CCSER2: variants seen among roughly 807,000 people sequenced by gnomAD.
CCSER2 encodes coiled-coil serine rich protein 2.
Under a neutral mutation model 92.3 loss-of-function variants are expected in CCSER2, and 46 were observed. That is an observed-to-expected ratio of 0.50 (90% CI 0.39 to 0.64). The LOEUF (loss-of-function observed/expected upper bound fraction) is 0.64. Among genes scored for constraint, CCSER2 ranks in the 30% least tolerant of loss-of-function variants. The pLI, the probability that CCSER2 is intolerant of heterozygous loss-of-function variation, is 0.00. For synonymous variants in CCSER2, 433 were observed against 431.4 expected (o/e 1.00, Z -0.04); for missense variants, 1,244 against 1,238.9 (o/e 1.00, Z -0.06).
chr10:84,347,854 G>T (rs572056077), intron 1 of CCSER2, among the ~76,000 whole-genome samples: 1 of 151,940 alleles, frequency 6.6e-6, no homozygotes, highest in South Asian at 2.1e-4. Flanking sequence ...CATCCCAGAC[G>T]GGGCGGCGGG....
At chr10:84,373,575 A>C (rs374066537) in intron 2 of CCSER2, 44 bp from the exon 3 acceptor site, 74 of 1,441,706 alleles carry the variant, frequency 5.1e-5, no homozygotes, top group Non-Finnish European at 6.8e-5. Context: ...GGACACGAGA[A>C]ACAATTATAT....
rs946912354 is a variant in CCSER2, at chr10:84,513,956, C to T, written c.2833C>T (p.Pro945Ser). ...TTCTGAATCATCTCCAAGTAGGACTCCCACTTGTAAAAAGTCACCAATAAT... is the reference window on the plus strand; with the variant it reads ...TTCTGAATCATCTCCAAGTAGGACTTCCACTTGTAAAAAGTCACCAATAAT... ...PVSESSPSRT[P>S]TCKKSPIITT... Residue 945 changes from proline to serine, a missense_variant, in exon 10 of 10, where the codon CCC becomes TCC. Transcript: ENST00000372088. 3 of 1,536,638 alleles carry T rather than the reference C, an allele frequency of 2.0e-6. No homozygotes were observed. The highest frequency in any genetic ancestry group is 2.6e-6 in the Non-Finnish European group (3 of 1,147,004).
At chr10:84,367,868 T>C (rs1433991007) in intron 1 of CCSER2, among the ~76,000 whole-genome samples, 1 of 152,206 alleles carries the variant, frequency 6.6e-6, no homozygotes. Flanking sequence ...AGAAACTGTT[T>C]ATATGATTGT....
chr10:84,329,480 C>A (rs1843442903), intron 1 of CCSER2, among the ~76,000 whole-genome samples: 1 of 152,112 alleles, frequency 6.6e-6, no homozygotes, highest in Admixed American at 6.5e-5. Context: ...AAGGCCTTAG[C>A]GGAGTGGAAA....
At chr10:84,387,554 A>C (rs1003794889) in intron 3 of CCSER2, among the ~76,000 whole-genome samples, 126 of 151,292 alleles carry the variant, frequency 8.3e-4, no homozygotes, top group Non-Finnish European at 5.6e-4. Flanking sequence ...TTTGAGACAG[A>C]GTCTGGCTCT....
chr10:84,396,772 A>C (rs1240917993), intron 3 of CCSER2, among the ~76,000 whole-genome samples: 1 of 152,086 alleles, frequency 6.6e-6, no homozygotes, highest in East Asian at 1.9e-4. Flanking sequence ...CCTGGGCTTA[A>C]GTGATCGACC....
chr10:84,501,840 T>TATATATATATATATATACTC (rs1564729879), intron 9 of CCSER2, among the ~76,000 whole-genome samples: 2 of 90,870 alleles, frequency 2.2e-5, no homozygotes, highest in Non-Finnish European at 4.9e-5. Flanking sequence ...AAAAAATATA[T>TATATATATATATATATACTC]ATATATATAT....
chr10:84,474,185 G>A (rs543169459), intron 8 of CCSER2, among the ~76,000 whole-genome samples: 2 of 152,176 alleles, frequency 1.3e-5, no homozygotes, highest in South Asian at 2.1e-4. Flanking sequence ...AATTGCTAGT[G>A]TAGAATTTCC....
Position 84,470,356 on chromosome 10 carries a change from T to C in CCSER2, c.2149-16T>C. 1 of 1,257,498 alleles carries C rather than the reference T, an allele frequency of 8.0e-7. No individual in the cohort carries two copies. 77.9% of individuals were successfully genotyped at this position (1,257,498 alleles called of 1,614,324 possible). On this transcript the variant is annotated splice_polypyrimidine_tract_variant and intron_variant, in intron 7 of 9. Coordinates refer to ENST00000372088, the MANE Select transcript of CCSER2 (RefSeq NM_001284240.2). ...GTATTTTAAATACCTCATCTAAAGA[T>C]TTTTTAATATTTCAGAATGAAGATT...
intron 8 of CCSER2, among the ~76,000 whole-genome samples, chr10:84,476,704 A>G (rs891300030): frequency 1.3e-5 from 2 of 152,126 alleles, no homozygotes; most frequent in African/African-American, 2.4e-5. Flanking sequence ...CGGCCTCCCA[A>G]AGTGCTGGGA....
At chr10:84,424,917 C>A in intron 4 of CCSER2, 1 of 873,684 alleles carries the variant, frequency 1.1e-6, no homozygotes, top group Non-Finnish European at 1.4e-6. Context: ...GGGTTTTGAG[C>A]AGGAAGGAAG....
chr10:84,388,006 G>A (rs544679205), intron 3 of CCSER2, among the ~76,000 whole-genome samples: 1 of 152,136 alleles, frequency 6.6e-6, no homozygotes, highest in South Asian at 2.1e-4. Context: ...TGGGATTACA[G>A]GCACACAACA....
At chr10:84,365,043 GA>G (rs1164510661) in intron 1 of CCSER2, among the ~76,000 whole-genome samples, 7 of 151,674 alleles carry the variant, frequency 4.6e-5, no homozygotes, top group Non-Finnish European at 8.8e-5. Flanking sequence ...CGCCCGGCCT[GA>G]AAAAAATTTT....
chr10:84,452,501 C>G (rs1299903652), intron 6 of CCSER2, among the ~76,000 whole-genome samples: 2 of 151,568 alleles, frequency 1.3e-5, no homozygotes, highest in Non-Finnish European at 2.9e-5. Flanking sequence ...TATTAGCATC[C>G]TAATTGCATT....
At position 84,371,748 on chromosome 10, in the gene CCSER2, C is replaced by G; in HGVS notation, c.696C>G (p.Phe232Leu). ...QSFSHSIQNS[F>L]LPPSSITRSH... is the part of the protein sequence containing the mutation. Reference sequence around the variant, plus strand: ...TTTCACATTCCATTCAGAATTCATTCCTTCCACCTTCATCTATAACCAGAT... The same window carrying G: ...TTTCACATTCCATTCAGAATTCATTGCTTCCACCTTCATCTATAACCAGAT... The change falls in exon 2 of 10, where the codon TTC becomes TTG. Residue 232 changes from phenylalanine to leucine, a missense_variant. By Grantham distance (22) the Phe-to-Leu change is conservative. Transcript: ENST00000372088. 1 of 1,613,348 alleles carries G rather than the reference C, an allele frequency of 6.2e-7. No homozygotes were observed. The highest frequency in any genetic ancestry group is 8.5e-7 in the Non-Finnish European group (1 of 1,179,530).
chr10:84,430,596 G>A (rs1472171580), intron 5 of CCSER2, among the ~76,000 whole-genome samples: 1 of 152,146 alleles, frequency 6.6e-6, no homozygotes, highest in African/African-American at 2.4e-5. Context: ...GCTTTTTGGA[G>A]AGTTCTAAAC....
chr10:84,450,757 A>G (rs1845229770), intron 6 of CCSER2, among the ~76,000 whole-genome samples: 1 of 152,250 alleles, frequency 6.6e-6, no homozygotes, highest in African/African-American at 2.4e-5. Flanking sequence ...AATGCTACAG[A>G]TATTAAAGTA....
intron 1 of CCSER2, among the ~76,000 whole-genome samples, chr10:84,338,543 A>T (rs1230389046): frequency 6.6e-6 from 1 of 152,168 alleles, no homozygotes; most frequent in Non-Finnish European, 1.5e-5. Flanking sequence ...CTTTATCCTC[A>T]TCTGTGCACT....
intron 6 of CCSER2, among the ~76,000 whole-genome samples, chr10:84,457,266 T>TATATATA (rs1306194346): frequency 4.1e-5 from 1 of 24,490 alleles, no homozygotes; most frequent in African/African-American, 2.3e-4. Context: ...TAAAATATAT[T>TATATATA]ATATATAATA....
Sources: gnomAD v4.1 joint callset for allele counts (sites outside exome capture counted in the v4.1 genomes callset) on GRCh38, gnomAD v4.1.1 for gene constraint, MANE v1.5 for transcripts, NCBI Gene and HGNC (gene_info 2026-07-23, HGNC 2026-07-21) for gene names.